The following ZNF385D variants were observed in gnomAD, a reference collection of about 807,000 sequenced individuals.
ZNF385D encodes zinc finger protein 385D.
ZNF385D carries 15 observed loss-of-function variants against 35.8 expected under a neutral mutation model. The observed-to-expected ratio is 0.42, with a 90% confidence interval of 0.28 to 0.64. ZNF385D has a LOEUF of 0.64. Ranked by LOEUF, ZNF385D falls within the 30% of genes least tolerant of loss-of-function variation. The pLI is 0.23. For synonymous variants in ZNF385D, 212 were observed against 186.8 expected (o/e 1.13, Z -1.10); for missense variants, 474 against 494.6 (o/e 0.96, Z 0.39).
At chr3:22,097,032 G>A (rs532582207) in intron 3 of ZNF385D, among the ~76,000 whole-genome samples, 185 of 152,168 alleles carry the variant, frequency 1.2e-3, no homozygotes, top group African/African-American at 4.1e-3. Flanking sequence ...GCATCCACAA[G>A]GAGAGGATCT....
At chr3:21,483,975 A>G in intron 4 of ZNF385D, among the ~76,000 whole-genome samples, 1 of 152,146 alleles carries the variant, frequency 6.6e-6, no homozygotes, top group South Asian at 2.1e-4. Context: ...GTCAGGGTCC[A>G]ATCAAAAAAG....
intron 3 of ZNF385D, among the ~76,000 whole-genome samples, chr3:21,824,859 T>C (rs1694499918): frequency 6.6e-6 from 1 of 152,192 alleles, no homozygotes; most frequent in Admixed American, 6.5e-5. Context: ...CATAGGGAAA[T>C]GGTGGAGAAA....
At chr3:22,106,556 T>C (rs1030947055) in intron 3 of ZNF385D, among the ~76,000 whole-genome samples, 1 of 152,114 alleles carries the variant, frequency 6.6e-6, no homozygotes. Context: ...GGCATCTGAT[T>C]TGATGCCCTT....
intron 3 of ZNF385D, among the ~76,000 whole-genome samples, chr3:21,933,616 T>C (rs572594087): frequency 6.6e-6 from 1 of 152,328 alleles, no homozygotes; most frequent in African/African-American, 2.4e-5. Flanking sequence ...AGCATTACTT[T>C]ATATTTGAGA....
At chr3:21,671,458 C>CA (rs1444232829) in intron 1 of ZNF385D, among the ~76,000 whole-genome samples, 1 of 152,082 alleles carries the variant, frequency 6.6e-6, no homozygotes, top group Admixed American at 6.6e-5. Context: ...CATTAATTGG[C>CA]ATGGATTAGC....
intron 4 of ZNF385D, among the ~76,000 whole-genome samples, chr3:21,444,392 T>TG (rs780433867): frequency 1.7e-4 from 12 of 70,288 alleles, no homozygotes; most frequent in African/African-American, 9.4e-4. Flanking sequence ...TTTTTGTTTT[T>TG]TTTTTTTTTT....
intron 3 of ZNF385D, among the ~76,000 whole-genome samples, chr3:22,115,799 C>A (rs1252969091): frequency 6.6e-6 from 1 of 152,066 alleles, no homozygotes; most frequent in Non-Finnish European, 1.5e-5. Flanking sequence ...ATTTAATCAT[C>A]ATCAGGAAAA....
intron 3 of ZNF385D, among the ~76,000 whole-genome samples, chr3:21,825,770 C>A (rs1256952396): frequency 6.6e-6 from 1 of 152,162 alleles, no homozygotes; most frequent in African/African-American, 2.4e-5. Context: ...AAACGCTAGC[C>A]CAGGGGTCCC....
chr3:21,602,284 A>G (rs747154143), intron 2 of ZNF385D, among the ~76,000 whole-genome samples: 60 of 152,076 alleles, frequency 3.9e-4, no homozygotes, highest in Non-Finnish European at 7.5e-4. Flanking sequence ...TTGGGTGGGG[A>G]CACAGCCAAA....
chr3:22,024,279 C>T (rs73137151), intron 3 of ZNF385D, among the ~76,000 whole-genome samples: 3 of 151,986 alleles, frequency 2.0e-5, no homozygotes, highest in East Asian at 1.9e-4. Context: ...ATCTTGAGAT[C>T]GTGTAAGTTA....
At position 21,565,795 on chromosome 3, in the gene ZNF385D, ATAAG is replaced by A. The variant is rs550068759; in HGVS notation, c.166-1115_166-1112del. 1.3e-3 allele frequency among the ~76,000 whole-genome samples: 193 copies of A among 152,318 alleles called. 3 individuals are homozygous for A. The Middle Eastern group carries it at 0.017, about 13-fold the overall frequency. The stretch of plus-strand genomic sequence containing the variant: ...TTCAAATGATGAGATAAAAGGACTT[ATAAG>A]TAAGTCTTCATAATAGATTGAGATA... On this transcript the variant is annotated intron_variant, in intron 2 of 7. Transcript: ENST00000281523.
intron 3 of ZNF385D, among the ~76,000 whole-genome samples, chr3:22,002,925 C>T (rs1419942681): frequency 6.6e-6 from 1 of 152,040 alleles, no homozygotes; most frequent in East Asian, 1.9e-4. Context: ...AAACATATCT[C>T]AAAATAATAA....
At chr3:22,190,378 G>A (rs1695932497) in intron 2 of ZNF385D, among the ~76,000 whole-genome samples, 1 of 152,056 alleles carries the variant, frequency 6.6e-6, no homozygotes, top group African/African-American at 2.4e-5. Flanking sequence ...AGGTTTTGTT[G>A]CAGATAATTC....
At chr3:22,220,710 T>C (rs1162369220) in intron 2 of ZNF385D, among the ~76,000 whole-genome samples, 3 of 152,222 alleles carry the variant, frequency 2.0e-5, no homozygotes, top group East Asian at 1.9e-4. Context: ...TAGACTCTTA[T>C]AGACTCATTC....
At chr3:22,308,315 A>G (rs1703347060) in intron 2 of ZNF385D, among the ~76,000 whole-genome samples, 3 of 152,092 alleles carry the variant, frequency 2.0e-5, no homozygotes, top group African/African-American at 7.2e-5. Flanking sequence ...TATGAAATCC[A>G]TAATTTCTTA....
intron 2 of ZNF385D, among the ~76,000 whole-genome samples, chr3:22,317,280 C>CAAAAAAAAAAAAAAAAAAAAAA (rs59675675): frequency 1.9e-4 from 5 of 26,096 alleles, no homozygotes; most frequent in Admixed American, 5.8e-4. Context: ...ACTCCATCTC[C>CAAAAAAAAAAAAAAAAAAAAAA]AAAAAAAAAA....
intron 5 of ZNF385D, among the ~76,000 whole-genome samples, chr3:21,436,066 C>T (rs1701536632): frequency 6.6e-6 from 1 of 152,062 alleles, no homozygotes. Context: ...TGGCAATGAA[C>T]CCAGTCTTTT....
intron 4 of ZNF385D, among the ~76,000 whole-genome samples, chr3:21,477,653 A>G (rs6800260): frequency 0.4 from 61,466 of 151,846 alleles, 13,493 homozygotes; most frequent in East Asian, 0.49. Flanking sequence ...CATCCTCCCT[A>G]TCTAACCCTG....
intron 2 of ZNF385D, among the ~76,000 whole-genome samples, chr3:22,175,091 C>T (rs1339562870): frequency 4.1e-5 from 4 of 97,100 alleles, no homozygotes; most frequent in African/African-American, 4.1e-5. Flanking sequence ...GTCCATTTCA[C>T]AGAAGGGGAG....
Sources: gnomAD v4.1 joint callset for allele counts (sites outside exome capture counted in the v4.1 genomes callset) on GRCh38, gnomAD v4.1.1 for gene constraint, MANE v1.5 for transcripts, NCBI Gene and HGNC (gene_info 2026-07-23, HGNC 2026-07-21) for gene names.